TRIM72: variants seen among roughly 807,000 people sequenced by gnomAD.
The protein encoded by TRIM72 is tripartite motif containing 72.
A neutral mutation model predicts 31.6 loss-of-function variants in TRIM72; 33 were observed. The ratio of observed to expected loss-of-function variants is 1.04; its 90% CI spans 0.79 to 1.40. The LOEUF is 1.40. Among genes scored for constraint, TRIM72 ranks in the 40% most tolerant of loss-of-function variants. The pLI is 0.00. For synonymous variants in TRIM72, 301 were observed against 314.4 expected (o/e 0.96, Z 0.45); for missense variants, 666 against 682.7 (o/e 0.98, Z 0.27).
rs1481517816 is a variant in TRIM72 at position 31,222,948 on chromosome 16, A to G, written c.859+3A>G. 3.8e-6 allele frequency: 6 copies of G among 1,578,076 alleles called. No individual in the cohort carries two copies. Among genetic ancestry groups the G allele is most frequent in the Non-Finnish European group, 5.2e-6 (6 of 1,162,300 alleles). ...GATGTTCCGGGCTCTGATGCCAGGT[A>G]CCGGGAGGGACTGGCTCAGGTTTGT... On this transcript the variant is annotated splice_donor_region_variant and intron_variant, in intron 6 of 6. Coordinates refer to ENST00000322122, the MANE Select transcript of TRIM72 (RefSeq NM_001008274.4).
chr16:31,222,553 A>G (rs1046031964), intron 5 of TRIM72, among the ~76,000 whole-genome samples: 1 of 142,510 alleles, frequency 7.0e-6, no homozygotes, highest in African/African-American at 2.6e-5. Flanking sequence ...AGCTCCAGTG[A>G]GCCTCCTGAG....
At chr16:31,222,102 A>G (rs1290185846) in intron 5 of TRIM72, among the ~76,000 whole-genome samples, 2 of 152,164 alleles carry the variant, frequency 1.3e-5, no homozygotes, top group African/African-American at 4.8e-5. Flanking sequence ...TTAAAAGAAA[A>G]TGTAGTTGGG....
Position 31,219,667 on chromosome 16 carries a change from T to C in TRIM72, c.717+148T>C, listed in dbSNP as rs2079525367. The C allele has an allele frequency of 1.4e-6, 1 of 708,708 alleles. No homozygotes were observed. Among genetic ancestry groups the C allele is most frequent in the Non-Finnish European group, 2.4e-6 (1 of 410,050 alleles). The allele number at this position is 708,708 out of a possible 1,614,324, so 43.9% of individuals were successfully genotyped here. On this transcript the variant is annotated intron_variant, in intron 4 of 6. Coordinates refer to ENST00000322122, the MANE Select transcript of TRIM72 (RefSeq NM_001008274.4). The surrounding 1 kb of genome is among the most constrained non-coding windows in gnomAD (Gnocchi z 4.2). ...GCAGGCCTCAGGACTGCTATATGGT[T>C]GTTTAGGTTGAGCACTGCATAAGGA...
chr16:31,220,760 C>T, intron 4 of TRIM72, 136 bp from the exon 5 acceptor site: 1 of 1,187,546 alleles, frequency 8.4e-7, no homozygotes, highest in Admixed American at 1.7e-5. Context: ...CATGAGCCAC[C>T]TCGTCTGGCC....
In TRIM72 at chr16:31,224,342, T is replaced by C; in HGVS notation, c.1021T>C (p.Ser341Pro). The C allele has an allele frequency of 1.3e-6, 2 of 1,586,028 alleles. No individual in the cohort carries two copies. Among genetic ancestry groups the C allele is most frequent in the Non-Finnish European group, 1.7e-6 (2 of 1,169,674 alleles). The change falls in exon 7 of 7, where the codon TCC (serine) becomes CCC (proline). Residue 341 changes from serine (S) to proline (P), a missense_variant. Ser to Pro is a moderately conservative substitution (Grantham distance 74, BLOSUM62 -1). Coordinates refer to ENST00000322122, the MANE Select transcript of TRIM72 (RefSeq NM_001008274.4). ...AVAVVAHQQL[S>P]EGEHYWEVDV... The stretch of plus-strand genomic sequence containing the variant: ...GGCGGTGGTGGCGCACCAGCAGCTC[T>C]CCGAGGGCGAGCACTACTGGGAGGT...
At chr16:31,220,799 G>A (rs937447028) in intron 4 of TRIM72, 97 bp from the exon 5 acceptor site, 55 of 1,476,806 alleles carry the variant, frequency 3.7e-5, no homozygotes, top group Middle Eastern at 1.7e-4. Flanking sequence ...TCTTTCTGAC[G>A]TTGCACTCAG....
chr16:31,217,072 C>G, intron 2 of TRIM72: 1 of 1,570,778 alleles, frequency 6.4e-7, no homozygotes, highest in Non-Finnish European at 8.7e-7. Context: ...CTGGAGCCAT[C>G]AGGTCCTACC....
chr16:31,219,064 C>A lies in TRIM72; in HGVS notation c.391-31C>A, dbSNP rs1003355331. On this transcript the variant is annotated intron_variant, in intron 2 of 6. Transcript: ENST00000322122. The surrounding 1 kb of genome is among the most constrained non-coding windows in gnomAD (Gnocchi z 4.2). Reference sequence around the variant, plus strand: ...GGTGTGGGTTTTGGGTGGGTGGCATCCCCATCACTTCTCCATGCCTCGACC... The same window carrying A: ...GGTGTGGGTTTTGGGTGGGTGGCATACCCATCACTTCTCCATGCCTCGACC... The A allele has an allele frequency of 6.5e-7, 1 of 1,547,146 alleles. No individual in the cohort carries two copies.
intron 2 of TRIM72, chr16:31,217,201 A>T (rs1368228604): frequency 1.5e-6 from 1 of 679,894 alleles, no homozygotes; most frequent in Non-Finnish European, 2.4e-6. Flanking sequence ...CACCGCCTAG[A>T]GGGTCCCCCA....
rs969863188 is a variant in TRIM72 at position 31,224,602 on chromosome 16, C to T, written c.1281C>T (p.Tyr427=). 10 of 1,554,360 alleles carry T rather than the reference C, an allele frequency of 6.4e-6. No homozygotes were observed. The African/African-American group carries it at 9.5e-5, about 15-fold the overall frequency. The change falls in exon 7 of 7, where the codon TAC becomes TAT. Residue 427 remains tyrosine, a synonymous_variant. Transcript: ENST00000322122. The stretch of plus-strand genomic sequence containing the variant: ...TCGGCGACGGCGTCCTCTCCTTCTA[C>T]GATGCCAGCGACGCCGACGCGCTCG... ...LSFGDGVLSF[Y]DASDADALVP... is the part of the protein sequence containing the mutation.
intron 5 of TRIM72, among the ~76,000 whole-genome samples, chr16:31,221,321 T>A (rs1266420444): frequency 7.0e-6 from 1 of 142,062 alleles, no homozygotes; most frequent in East Asian, 2.2e-4. Context: ...AGAAGAAGGG[T>A]ATTGCTGGGA....
rs1301135780 is a variant in TRIM72 at position 31,230,514 on chromosome 16, C to G, written c.*5759C>G. 6.6e-6 allele frequency: 1 copy of G among 152,110 alleles called. No individual in the cohort carries two copies. The highest frequency in any genetic ancestry group is 2.4e-5 in the African/African-American group (1 of 41,410). The allele number at this position is 152,110 out of a possible 1,614,324, so 9.4% of individuals were successfully genotyped here. A position where few individuals can be genotyped will look rare whatever the true frequency, so the allele number is the denominator to read the frequency against. ...GGCTGAGGCAGGCGGATCATGAGGTCAGGAGATCGAGACCGTCCTGGTTAA... is the reference window on the plus strand; with the variant it reads ...GGCTGAGGCAGGCGGATCATGAGGTGAGGAGATCGAGACCGTCCTGGTTAA... On this transcript the variant is annotated 3_prime_UTR_variant, in exon 7 of 7. Coordinates refer to ENST00000322122, the MANE Select transcript of TRIM72 (RefSeq NM_001008274.4).
intron 6 of TRIM72, among the ~76,000 whole-genome samples, 167 bp downstream of exon 6, chr16:31,223,112 G>T (rs1025942054): frequency 6.6e-6 from 1 of 152,134 alleles, no homozygotes; most frequent in Non-Finnish European, 1.5e-5. Flanking sequence ...TGTGTTGGGA[G>T]GAGGGCCTTT....
intron 2 of TRIM72, chr16:31,217,096 G>T: frequency 6.7e-7 from 1 of 1,492,000 alleles, no homozygotes; most frequent in Admixed American, 2.0e-5. Context: ...CCTGCAGCAG[G>T]TGGAGCTGCC....
At chr16:31,222,655 T>C (rs2079539097) in intron 5 of TRIM72, among the ~76,000 whole-genome samples, 172 bp from the exon 6 acceptor site, 1 of 151,932 alleles carries the variant, frequency 6.6e-6, no homozygotes, top group Non-Finnish European at 1.5e-5. Context: ...CTAAGTACAT[T>C]CACATTGTAC....
chr16:31,224,538 C>G lies in TRIM72; in HGVS notation c.1217C>G (p.Pro406Arg). 1.3e-6 allele frequency: 2 copies of G among 1,525,034 alleles called. No individual in the cohort carries two copies. The highest frequency in any genetic ancestry group is 1.2e-5 in the South Asian group (1 of 82,456). The allele number at this position is 1,525,034 out of a possible 1,614,324, so 94.5% of individuals were successfully genotyped here. A position where few individuals can be genotyped will look rare whatever the true frequency, so the allele number is the denominator to read the frequency against. The change falls in exon 7 of 7, where the codon CCC (proline) becomes CGC (arginine). Residue 406 changes from proline to arginine, a missense_variant. Pro to Arg is a moderately radical substitution (Grantham distance 103). Coordinates refer to ENST00000322122, the MANE Select transcript of TRIM72 (RefSeq NM_001008274.4). ...AAGGAGCCGCGCGCTCTGCGCAGCCCCGAGAGGCGGCCCACGCGCATTGGC... is the reference window on the plus strand; with the variant it reads ...AAGGAGCCGCGCGCTCTGCGCAGCCGCGAGAGGCGGCCCACGCGCATTGGC... ...EAKEPRALRS[P>R]ERRPTRIGLY...
At position 31,224,514 on chromosome 16, in the gene TRIM72, A is replaced by G. The variant is rs1054155250; in HGVS notation, c.1193A>G (p.Lys398Arg). The G allele has an allele frequency of 6.7e-7, 1 of 1,498,506 alleles. No individual in the cohort carries two copies. Among genetic ancestry groups the G allele is most frequent in the Admixed American group, 2.3e-5 (1 of 44,174 alleles). 92.8% of individuals were successfully genotyped at this position (1,498,506 alleles called of 1,614,324 possible). Residue 398 changes from lysine (K) to arginine (R), a missense_variant, in exon 7 of 7, where the codon AAG becomes AGG. Transcript: ENST00000322122. Reference sequence around the variant, plus strand: ...ATCCTGGAGGCACACGTGGAGGCCAAGGAGCCGCGCGCTCTGCGCAGCCCC... The same window carrying G: ...ATCCTGGAGGCACACGTGGAGGCCAGGGAGCCGCGCGCTCTGCGCAGCCCC... ...GKILEAHVEA[K>R]EPRALRSPER...
At chr16:31,217,008 G>T (rs748819441) in intron 2 of TRIM72, 53 of 1,613,028 alleles carry the variant, frequency 3.3e-5, no homozygotes, top group Middle Eastern at 3.3e-4. Context: ...CCTTCAGGAT[G>T]GCCTCGCGCT....
Position 31,216,917 on chromosome 16 carries a change from G to A in TRIM72, c.390+1789G>A. On this transcript the variant is annotated intron_variant, in intron 2 of 6. Coordinates refer to ENST00000322122, the MANE Select transcript of TRIM72 (RefSeq NM_001008274.4). This position sits in a 1 kb window ranked among gnomAD's most constrained non-coding sequence, Gnocchi z 6.7. ...TGCCCGAGCGCGCCCCGCGGGATGC[G>A]CTCAAAGCCCTCGCGCAGCGGCACC... 6.2e-7 allele frequency: 1 copy of A among 1,614,110 alleles called. No homozygotes were observed. The highest frequency in any genetic ancestry group is 8.5e-7 in the Non-Finnish European group (1 of 1,180,030).
Sources: gnomAD v4.1 joint callset for allele counts (sites outside exome capture counted in the v4.1 genomes callset) on GRCh38, gnomAD v4.1.1 for gene constraint, Gnocchi (gnomAD v3.1) non-coding constraint, MANE v1.5 for transcripts, NCBI Gene and HGNC (gene_info 2026-07-23, HGNC 2026-07-21) for gene names.